The following COL21A1 variants were observed in gnomAD, a reference collection of about 807,000 sequenced individuals.
COL21A1 encodes collagen type XXI alpha 1 chain.
Under a neutral mutation model 137.9 loss-of-function variants are expected in COL21A1, and 149 were observed. The observed-to-expected ratio is 1.08, with a 90% confidence interval of 0.95 to 1.24. COL21A1 has a LOEUF of 1.24. Among genes scored for constraint, COL21A1 ranks in the 50% most tolerant of loss-of-function variants. The pLI is 0.00. For missense variants in COL21A1, 1,167 were observed against 1,158.4 expected, an observed-to-expected ratio of 1.01 and a Z score of -0.11; for synonymous variants, 456 against 391.5, an observed-to-expected ratio of 1.16 and a Z score of -1.95.
intron 1 of COL21A1, among the ~76,000 whole-genome samples, chr6:56,345,461 G>C (rs931619641): frequency 8.5e-5 from 13 of 152,298 alleles, no homozygotes; most frequent in African/African-American, 2.9e-4. Flanking sequence ...CAAAGGTTCT[G>C]AAAAATCAAG....
chr6:56,186,958 G>C (rs1048177321), intron 1 of COL21A1, among the ~76,000 whole-genome samples: 1 of 152,146 alleles, frequency 6.6e-6, no homozygotes, highest in Non-Finnish European at 1.5e-5. Flanking sequence ...TCTTGAAAAA[G>C]AACTCTCTTA....
chr6:56,167,570 G>T (rs1776691417), intron 6 of COL21A1, among the ~76,000 whole-genome samples: 2 of 152,090 alleles, frequency 1.3e-5, no homozygotes, highest in South Asian at 4.1e-4. Flanking sequence ...CAAATAAAGG[G>T]TTTTTCTAGA....
intron 1 of COL21A1, among the ~76,000 whole-genome samples, chr6:56,311,687 CTT>C (rs1306085158): frequency 6.6e-6 from 1 of 152,154 alleles, no homozygotes; most frequent in African/African-American, 2.4e-5. Flanking sequence ...AAACTGAAGG[CTT>C]TAACTTTAAA....
intron 1 of COL21A1, among the ~76,000 whole-genome samples, chr6:56,204,017 G>A (rs1157543492): frequency 3.3e-5 from 5 of 152,138 alleles, no homozygotes; most frequent in Admixed American, 2.6e-4. Context: ...CAGGGCCCTG[G>A]GTTTCAAGCA....
intron 6 of COL21A1, 55 bp downstream of exon 6, chr6:56,168,069 G>A (rs1385351212): frequency 9.2e-6 from 11 of 1,194,930 alleles, no homozygotes; most frequent in African/African-American, 1.5e-5. Context: ...CTATTACAAA[G>A]GACAGCAAAA....
intron 1 of COL21A1, among the ~76,000 whole-genome samples, chr6:56,211,366 G>GA (rs1780166570): frequency 6.6e-6 from 1 of 151,570 alleles, no homozygotes; most frequent in Non-Finnish European, 1.5e-5. Context: ...AAATGAGTTA[G>GA]AAAAAAATTA....
chr6:56,316,477 CTTTTTTTTT>C (rs60388494), intron 1 of COL21A1, among the ~76,000 whole-genome samples: 1 of 75,786 alleles, frequency 1.3e-5, no homozygotes, highest in Non-Finnish European at 2.3e-5. Context: ...TCTAAATAGA[CTTTTTTTTT>C]TTTTTTTTTT....
intron 1 of COL21A1, among the ~76,000 whole-genome samples, chr6:56,261,810 T>C (rs1763283722): frequency 6.6e-6 from 1 of 152,176 alleles, no homozygotes; most frequent in Non-Finnish European, 1.5e-5. Context: ...GAACCTCTGC[T>C]CTACCTGGGG....
At chr6:56,153,554 G>GA (rs35787305) in intron 10 of COL21A1, among the ~76,000 whole-genome samples, 11,217 of 143,914 alleles carry the variant, frequency 0.078, 437 homozygotes, top group Admixed American at 0.12. Context: ...ATATCTCTCA[G>GA]AAAAAAAAAA....
rs186913485 is a variant in COL21A1, at chr6:56,324,135, T to G, written c.-39+69836A>C. On this transcript the variant is annotated intron_variant, in intron 1 of 28. Coordinates refer to the COL21A1 transcript ENST00000370819. ...TCAACATTAATTTAATGTAGTGAGA[T>G]AGTAATTCAAAGCATTTCTTTATGG... Among the ~76,000 whole-genome samples the G allele has an allele frequency of 1.1e-4, 17 of 152,250 alleles. No individual in the cohort carries two copies. In the East Asian group the frequency reaches 2.9e-3, roughly 26 times the overall value.
intron 5 of COL21A1, 40 bp from the exon 6 acceptor site, chr6:56,168,337 C>T (rs765953659): frequency 3.5e-6 from 5 of 1,438,128 alleles, no homozygotes; most frequent in Non-Finnish European, 4.6e-6. Context: ...AATAAAGCCC[C>T]TAACAATATT....
chr6:56,211,589 A>C (rs775401743), intron 1 of COL21A1, among the ~76,000 whole-genome samples: 4 of 152,076 alleles, frequency 2.6e-5, no homozygotes, highest in Non-Finnish European at 4.4e-5. Context: ...GCAAAACAAA[A>C]GGCAAAAACA....
intron 1 of COL21A1, among the ~76,000 whole-genome samples, chr6:56,258,137 A>G (rs1199506844): frequency 2.0e-5 from 3 of 152,146 alleles, no homozygotes; most frequent in African/African-American, 7.2e-5. Context: ...TTCTTTAAAC[A>G]TTACTCAGAA....
intron 1 of COL21A1, among the ~76,000 whole-genome samples, chr6:56,354,572 T>A (rs1204986717): frequency 6.6e-6 from 1 of 152,140 alleles, no homozygotes; most frequent in Non-Finnish European, 1.5e-5. Flanking sequence ...ACTTGAGCAT[T>A]AATGATAATA....
chr6:56,124,802 T>C (rs866281379), intron 14 of COL21A1, among the ~76,000 whole-genome samples: 27 of 150,706 alleles, frequency 1.8e-4, no homozygotes, highest in Non-Finnish European at 2.4e-4. Context: ...CTACCACTCC[T>C]GGCTAATTTT....
chr6:56,192,021 G>T (rs1778716966), intron 1 of COL21A1, among the ~76,000 whole-genome samples: 1 of 152,098 alleles, frequency 6.6e-6, no homozygotes, highest in South Asian at 2.1e-4. Flanking sequence ...CAATGGAACA[G>T]AACAGAGGCC....
At chr6:56,227,102 G>C (rs1781254681) in intron 1 of COL21A1, among the ~76,000 whole-genome samples, 1 of 151,920 alleles carries the variant, frequency 6.6e-6, no homozygotes, top group South Asian at 2.1e-4. Context: ...TGCAATGCTG[G>C]TTTTGTGACC....
chr6:56,124,249 G>A lies in COL21A1; in HGVS notation c.1694C>T (p.Pro565Leu), dbSNP rs2152211237. The change falls in exon 15 of 30, where the codon CCT becomes CTT. Residue 565 changes from proline to leucine, a missense_variant. Transcript: ENST00000244728. The part of the protein sequence containing the change: ...EKGNAGFPGL[P>L]GPAGEPGRHG... ...TTCTATCAAACTCACAGCAGGTCCA[G>A]GGAGGCCAGGGAAGCCAGCATTCCC... is the stretch of plus-strand genomic sequence containing the variant. 2 of 1,602,302 alleles carry A rather than the reference G, an allele frequency of 1.2e-6. No homozygotes were observed. Among genetic ancestry groups the A allele is most frequent in the Non-Finnish European group, 1.7e-6 (2 of 1,174,002 alleles).
chr6:56,266,108 T>A (rs1763385916), intron 1 of COL21A1, among the ~76,000 whole-genome samples: 1 of 152,220 alleles, frequency 6.6e-6, no homozygotes, highest in African/African-American at 2.4e-5. Flanking sequence ...AACACAATTA[T>A]GACTTACAGC....
Sources: gnomAD v4.1 joint callset for allele counts (sites outside exome capture counted in the v4.1 genomes callset) on GRCh38, gnomAD v4.1.1 for gene constraint, MANE v1.5 for transcripts, NCBI Gene and HGNC (gene_info 2026-07-23, HGNC 2026-07-21) for gene names.